RSPRY1: variants seen among roughly 807,000 people sequenced by gnomAD.
RSPRY1 encodes RING finger and SPRY domain-containing protein 1.
In RSPRY1, 23 loss-of-function variants were observed where a neutral mutation model predicts 73.1. That is an observed-to-expected ratio of 0.31 (90% CI 0.23 to 0.45). RSPRY1 has a LOEUF of 0.45. RSPRY1 is among the 20% of genes least tolerant of loss of function. The pLI, the probability that RSPRY1 is intolerant of heterozygous loss-of-function variation, is 1.00. For missense variants in RSPRY1, 448 were observed against 698.7 expected (o/e 0.64, Z 4.05); for synonymous variants, 226 against 251.4 (o/e 0.90, Z 0.95).
intron 14 of RSPRY1, among the ~76,000 whole-genome samples, chr16:57,236,051 G>A (rs1438815616): frequency 6.6e-6 from 1 of 152,202 alleles, no homozygotes; most frequent in Admixed American, 6.5e-5. Context: ...TGAAAGAAAG[G>A]CACAGTGATT....
Position 57,239,019 on chromosome 16 carries a change from G to A in RSPRY1, c.*44G>A. On this transcript the variant is annotated 3_prime_UTR_variant, in exon 15 of 15. Coordinates refer to ENST00000394420, the MANE Select transcript of RSPRY1 (RefSeq NM_133368.3). ...GTGGACTTTTTTCTACTCAATTCCA[G>A]CCAATGTTGAAAAGAAAAAGAAAAA... The A allele has an allele frequency of 9.4e-7, 1 of 1,065,348 alleles. No homozygotes were observed. The highest frequency in any genetic ancestry group is 1.4e-6 in the Non-Finnish European group (1 of 713,730). The allele number at this position is 1,065,348 out of a possible 1,614,324, so 66.0% of individuals were successfully genotyped here.
rs114713310 is a variant in RSPRY1 at position 57,229,434 on chromosome 16, A to T, written c.1274-1277A>T. 4.3e-3 allele frequency among the ~76,000 whole-genome samples: 661 copies of T among 152,068 alleles called. 5 individuals carry two copies. Among genetic ancestry groups the T allele is most frequent in the African/African-American group, 0.015 (626 of 41,476 alleles). On this transcript the variant is annotated intron_variant, in intron 11 of 14. Transcript: ENST00000394420. ...GTTTGAGATTAGCCTGGGCAACATAATGAGACCCCCCATCTCTATAAAAAA... is the reference window on the plus strand; with the variant it reads ...GTTTGAGATTAGCCTGGGCAACATATTGAGACCCCCCATCTCTATAAAAAA...
intron 1 of RSPRY1, chr16:57,186,719 G>A (rs1278789514): frequency 1.3e-5 from 2 of 151,954 alleles, no homozygotes; most frequent in Admixed American, 6.6e-5. Flanking sequence ...CCCTCTTTCG[G>A]GGGTCCTCAC....
In RSPRY1 at chr16:57,239,807, T is replaced by G. The variant is rs2075352917; in HGVS notation, c.*832T>G. The G allele has an allele frequency of 6.6e-6, 1 of 152,088 alleles. No homozygotes were observed. Among genetic ancestry groups the G allele is most frequent in the South Asian group, 2.1e-4 (1 of 4,832 alleles). The allele number at this position is 152,088 out of a possible 1,614,324, so 9.4% of individuals were successfully genotyped here. On this transcript the variant is annotated 3_prime_UTR_variant, in exon 15 of 15. Transcript: ENST00000394420. Reference sequence around the variant, plus strand: ...AAGGTACCATCAAATCAGATTTCTGTTTTTTTGTTAAAAAAAATTTTTTTA... The same window carrying G: ...AAGGTACCATCAAATCAGATTTCTGGTTTTTTGTTAAAAAAAATTTTTTTA...
chr16:57,207,982 C>T lies in RSPRY1; in HGVS notation c.351-76C>T, dbSNP rs185857830. On this transcript the variant is annotated intron_variant, in intron 2 of 14. Transcript: ENST00000394420. ...TCTTCTGTCCCTTTTTACCTCCACA[C>T]CTCCAGTTTGAATTCTTATTTGGAA... The T allele has an allele frequency of 1.9e-5, 17 of 883,280 alleles. No homozygotes were observed. In the East Asian group the frequency reaches 2.2e-4, roughly 11 times the overall value. 54.7% of individuals were successfully genotyped at this position (883,280 alleles called of 1,614,324 possible). A position where few individuals can be genotyped will look rare whatever the true frequency, so the allele number is the denominator to read the frequency against.
At chr16:57,234,062 G>A (rs369700058) in intron 13 of RSPRY1, among the ~76,000 whole-genome samples, 6 of 152,072 alleles carry the variant, frequency 3.9e-5, no homozygotes, top group East Asian at 3.9e-4. Context: ...CCCAGGCCCC[G>A]TACAATTTGT....
chr16:57,204,177 G>GAA (rs200192613), intron 1 of RSPRY1, among the ~76,000 whole-genome samples: 2 of 151,162 alleles, frequency 1.3e-5, no homozygotes, highest in African/African-American at 4.9e-5. Flanking sequence ...AGGAGCCCTT[G>GAA]AAAAAAAATG....
chr16:57,201,982 G>A (rs555914901), intron 1 of RSPRY1, among the ~76,000 whole-genome samples: 36 of 152,104 alleles, frequency 2.4e-4, no homozygotes, highest in African/African-American at 8.0e-4. Flanking sequence ...AGAGGAGGGA[G>A]AGGGAGAGGA....
At chr16:57,223,912 A>G (rs2075080408) in intron 10 of RSPRY1, among the ~76,000 whole-genome samples, 1 of 152,240 alleles carries the variant, frequency 6.6e-6, no homozygotes, top group Non-Finnish European at 1.5e-5. Flanking sequence ...AAGATGAGGA[A>G]AATCAAGTTG....
At chr16:57,233,245 A>T (rs992875248) in intron 13 of RSPRY1, among the ~76,000 whole-genome samples, 1 of 152,196 alleles carries the variant, frequency 6.6e-6, no homozygotes, top group East Asian at 1.9e-4. Context: ...TTTATTATGG[A>T]AAATTTCAAA....
chr16:57,192,753 T>C (rs2074372363), intron 1 of RSPRY1, among the ~76,000 whole-genome samples: 1 of 150,294 alleles, frequency 6.7e-6, no homozygotes, highest in Admixed American at 6.7e-5. Flanking sequence ...TCTCCTAGGC[T>C]GAAGTGCAGT....
chr16:57,196,174 G>A (rs1348224933), intron 1 of RSPRY1, among the ~76,000 whole-genome samples: 1 of 151,458 alleles, frequency 6.6e-6, no homozygotes, highest in Non-Finnish European at 1.5e-5. Context: ...TTGATGCTTC[G>A]TAAGATGGAC....
intron 4 of RSPRY1, among the ~76,000 whole-genome samples, chr16:57,209,879 T>C (rs2074802096): frequency 6.6e-6 from 1 of 152,146 alleles, no homozygotes; most frequent in Admixed American, 6.5e-5. Context: ...TTCATCATGT[T>C]GCCCAGGCTG....
chr16:57,224,025 G>A (rs141350118), intron 10 of RSPRY1, among the ~76,000 whole-genome samples: 393 of 152,320 alleles, frequency 2.6e-3, no homozygotes, highest in Middle Eastern at 0.014. Context: ...ATCTGCCTTC[G>A]AGAAAATGAC....
chr16:57,194,547 G>A (rs1244265499), intron 1 of RSPRY1, among the ~76,000 whole-genome samples: 1 of 152,102 alleles, frequency 6.6e-6, no homozygotes, highest in East Asian at 1.9e-4. Flanking sequence ...TGCTATTCAT[G>A]CTATTTGACT....
chr16:57,196,031 A>AT (rs1201400297), intron 1 of RSPRY1, among the ~76,000 whole-genome samples: 5,896 of 88,088 alleles, frequency 0.067, 133 homozygotes, highest in Non-Finnish European at 0.099. Flanking sequence ...AAAAAAAAAA[A>AT]AAAATATATA....
Position 57,238,872 on chromosome 16 carries a change from TC to T in RSPRY1, c.1635-3del. The stretch of plus-strand genomic sequence containing the variant: ...AACTTGACTGACTTTTCTGTGTTTC[TC>T]CCCAGTGACCTGTGCATGGATTGTG... On this transcript the variant is annotated splice_polypyrimidine_tract_variant and splice_region_variant and intron_variant, in intron 14 of 14. Coordinates refer to ENST00000394420, the MANE Select transcript of RSPRY1 (RefSeq NM_133368.3). 6.5e-7 allele frequency: 1 copy of T among 1,543,572 alleles called. No homozygotes were observed. Among genetic ancestry groups the T allele is most frequent in the Non-Finnish European group, 8.7e-7 (1 of 1,143,574 alleles).
chr16:57,189,379 CTT>C (rs1369685659), intron 1 of RSPRY1, among the ~76,000 whole-genome samples: 1 of 151,850 alleles, frequency 6.6e-6, no homozygotes, highest in Non-Finnish European at 1.5e-5. Flanking sequence ...AGCAAAATAA[CTT>C]TTCATTTAGT....
chr16:57,217,086 A>C, intron 8 of RSPRY1, 51 bp downstream of exon 8: 1 of 1,601,660 alleles, frequency 6.2e-7, no homozygotes, highest in Non-Finnish European at 8.6e-7. Context: ...TTCCAGACTC[A>C]TTTCTTTCAT....
Sources: allele counts gnomAD v4.1 joint callset (sites outside exome capture counted in the v4.1 genomes callset), GRCh38; gene constraint gnomAD v4.1.1; transcripts MANE v1.5; gene names NCBI Gene and HGNC (gene_info 2026-07-23, HGNC 2026-07-21).